KLHL1: variants seen among roughly 807,000 people sequenced by gnomAD.
KLHL1 encodes the protein kelch like family member 1, also known as kelch-like protein 1.
In KLHL1, 47 loss-of-function variants were observed where a neutral mutation model predicts 77.7. That is an observed-to-expected ratio of 0.60 (90% CI 0.48 to 0.77). The LOEUF (loss-of-function observed/expected upper bound fraction) is 0.77, where lower values mean the gene tolerates loss of function less well. KLHL1 is among the 30% of genes least tolerant of loss of function. KLHL1 has a pLI of 0.00. For synonymous variants in KLHL1, 360 were observed against 325.2 expected, an observed-to-expected ratio of 1.11 and a Z score of -1.15; for missense variants, 925 against 910.8, an observed-to-expected ratio of 1.02 and a Z score of -0.20.
intron 1 of KLHL1, among the ~76,000 whole-genome samples, chr13:70,099,115 C>T (rs368095586): frequency 2.0e-5 from 3 of 151,810 alleles, no homozygotes; most frequent in Non-Finnish European, 2.9e-5. Context: ...TTTACTTACA[C>T]TATTCTCTCT....
At chr13:69,860,880 T>C (rs937576025) in intron 5 of KLHL1, among the ~76,000 whole-genome samples, 1 of 151,868 alleles carries the variant, frequency 6.6e-6, no homozygotes, top group Non-Finnish European at 1.5e-5. Context: ...AATAGAATTC[T>C]TACTAATAAA....
intron 1 of KLHL1, among the ~76,000 whole-genome samples, chr13:70,068,967 A>C (rs1566548848): frequency 6.6e-6 from 1 of 152,152 alleles, no homozygotes; most frequent in Non-Finnish European, 1.5e-5. Context: ...AAGAAGAAAA[A>C]AAGCAACTAT....
intron 6 of KLHL1, among the ~76,000 whole-genome samples, chr13:69,833,746 G>GGTGTGT (rs553112924): frequency 0.098 from 2,686 of 27,502 alleles, 81 homozygotes; most frequent in African/African-American, 0.14. Context: ...AAGAAATAAT[G>GGTGTGT]GTATATATAT....
intron 5 of KLHL1, among the ~76,000 whole-genome samples, chr13:69,863,657 T>C (rs1411045842): frequency 1.3e-5 from 2 of 152,084 alleles, no homozygotes; most frequent in Non-Finnish European, 2.9e-5. Flanking sequence ...AATTCATCTG[T>C]ATTTCTTTGT....
intron 1 of KLHL1, among the ~76,000 whole-genome samples, chr13:70,023,539 T>C (rs1018360944): frequency 5.3e-5 from 8 of 151,976 alleles, no homozygotes; most frequent in Non-Finnish European, 1.2e-4. Flanking sequence ...TTTTATTATG[T>C]TGTTATTTTT....
chr13:70,072,819 T>TA (rs34359873), intron 1 of KLHL1, among the ~76,000 whole-genome samples: 116 of 151,498 alleles, frequency 7.7e-4, no homozygotes, highest in Non-Finnish European at 8.6e-4. Flanking sequence ...AACTTTTATT[T>TA]AAAAAAAAAC....
At chr13:70,002,902 TAAC>T (rs1885331379) in intron 1 of KLHL1, among the ~76,000 whole-genome samples, 1 of 151,570 alleles carries the variant, frequency 6.6e-6, no homozygotes, top group African/African-American at 2.4e-5. Flanking sequence ...AAAGGAAAAA[TAAC>T]AACATAAGTA....
rs149782982 is a variant in KLHL1, at chr13:70,073,223, C to T, written c.497+33980G>A. ...CACATATACACCATAGAATACTATG[C>T]GGCCATAAAAAAGGATGAGTTCATG... On this transcript the variant is annotated intron_variant, in intron 1 of 10. Transcript: ENST00000377844. Among the ~76,000 whole-genome samples, 388 of 152,130 alleles carry T rather than the reference C, an allele frequency of 2.6e-3. 2 individuals are homozygous for T. Among genetic ancestry groups the T allele is most frequent in the Non-Finnish European group, 4.3e-3 (293 of 68,014 alleles).
At chr13:69,813,167 C>T (rs1486422710) in intron 6 of KLHL1, among the ~76,000 whole-genome samples, 5 of 152,060 alleles carry the variant, frequency 3.3e-5, no homozygotes, top group Non-Finnish European at 7.4e-5. Flanking sequence ...AGTTCATGTC[C>T]TTTGTAGGGA....
chr13:70,048,169 C>T (rs567051480), intron 1 of KLHL1, among the ~76,000 whole-genome samples: 29 of 152,122 alleles, frequency 1.9e-4, no homozygotes, highest in Non-Finnish European at 3.8e-4. Context: ...CTCAAATATA[C>T]TTTCCCTAGA....
chr13:70,010,487 G>A (rs971331788), intron 1 of KLHL1, among the ~76,000 whole-genome samples: 2 of 152,114 alleles, frequency 1.3e-5, no homozygotes, highest in Non-Finnish European at 2.9e-5. Context: ...TTATTCAAAG[G>A]TTTTTGAATT....
At chr13:69,794,736 G>C (rs970824579) in intron 7 of KLHL1, among the ~76,000 whole-genome samples, 16 of 151,774 alleles carry the variant, frequency 1.1e-4, no homozygotes, top group African/African-American at 3.9e-4. Context: ...TACCAAGTAG[G>C]GATAGCAAGA....
At chr13:69,949,766 C>CA (rs199565023) in intron 3 of KLHL1, among the ~76,000 whole-genome samples, 13,082 of 151,436 alleles carry the variant, frequency 0.086, 634 homozygotes, top group Non-Finnish European at 0.11. Context: ...ATAAATGTTT[C>CA]AAAAAAGGAA....
intron 3 of KLHL1, among the ~76,000 whole-genome samples, chr13:69,955,973 GATAT>G (rs1158603129): frequency 1.6e-5 from 2 of 122,984 alleles, no homozygotes; most frequent in Admixed American, 8.7e-5. Flanking sequence ...TTATATATTT[GATAT>G]ATATTTATAT....
intron 1 of KLHL1, among the ~76,000 whole-genome samples, chr13:70,032,219 G>A (rs1014418921): frequency 2.6e-5 from 4 of 152,282 alleles, no homozygotes; most frequent in South Asian, 2.1e-4. Context: ...GAGCAAGGAC[G>A]TAAAAAGACT....
In KLHL1 at chr13:69,839,150, G is replaced by A. The variant is rs768756134; in HGVS notation, c.1240C>T (p.Leu414=). ...TTCTTAAATAATGCATGATTTTCTA[G>A]GTCAGCCAATATCTGTGAATAATAC... ...PLLPPQILAD[L]ENHALFKNDL... The change falls in exon 6 of 11, where the codon CTA becomes TTA. Residue 414 remains leucine, a synonymous_variant. Coordinates refer to ENST00000377844, the MANE Select transcript of KLHL1 (RefSeq NM_020866.3). The A allele has an allele frequency of 1.3e-6, 2 of 1,597,188 alleles. No individual in the cohort carries two copies. Among genetic ancestry groups the A allele is most frequent in the African/African-American group, 1.3e-5 (1 of 74,198 alleles).
chr13:70,107,450 A>T lies in KLHL1; in HGVS notation c.250T>A (p.Ser84Thr). The T allele has an allele frequency of 6.2e-7, 1 of 1,614,136 alleles. No individual in the cohort carries two copies. Among genetic ancestry groups the T allele is most frequent in the South Asian group, 1.1e-5 (1 of 91,090 alleles). Residue 84 changes from serine to threonine, a missense_variant, in exon 1 of 11, where the codon TCT (serine) becomes ACT (threonine). Transcript: ENST00000377844. The part of the protein sequence containing the change: ...SSSSSSSSPS[S>T]SSSSFNPLNG... Reference sequence around the variant, plus strand: ...AGCGGATTGAAGGAAGAGGAGGAAGAGGACGGGGAGGACGATGAAGAGGAA... The same window carrying T: ...AGCGGATTGAAGGAAGAGGAGGAAGTGGACGGGGAGGACGATGAAGAGGAA...
At chr13:70,041,720 G>A (rs998724783) in intron 1 of KLHL1, among the ~76,000 whole-genome samples, 3 of 152,046 alleles carry the variant, frequency 2.0e-5, no homozygotes, top group Non-Finnish European at 4.4e-5. Flanking sequence ...GGGTAGAAAC[G>A]CCTTGTCACT....
chr13:70,023,139 T>C (rs1287113882), intron 1 of KLHL1, among the ~76,000 whole-genome samples: 1 of 151,894 alleles, frequency 6.6e-6, no homozygotes, highest in Non-Finnish European at 1.5e-5. Flanking sequence ...GTAAAACAGA[T>C]AACATTATCA....
Sources: allele counts gnomAD v4.1 joint callset (sites outside exome capture counted in the v4.1 genomes callset), GRCh38; gene constraint gnomAD v4.1.1; transcripts MANE v1.5; gene names NCBI Gene and HGNC (gene_info 2026-07-23, HGNC 2026-07-21).